WDR76: variants seen among roughly 807,000 people sequenced by gnomAD.
The protein encoded by WDR76 is WD repeat-containing protein 76.
Under a neutral mutation model 70.2 loss-of-function variants are expected in WDR76, and 52 were observed. The observed-to-expected ratio is 0.74, with a 90% CI of 0.59 to 0.93. The LOEUF (loss-of-function observed/expected upper bound fraction) is 0.93. Ranked by LOEUF, WDR76 falls within the 40% of genes least tolerant of loss-of-function variation. The pLI is 0.00. For missense variants in WDR76, 756 were observed against 760.2 expected (o/e 0.99, Z 0.07); for synonymous variants, 292 against 271.1 (o/e 1.08, Z -0.76).
At position 43,868,346 on chromosome 15, in the gene WDR76, C is replaced by A. The variant is rs1414318392; in HGVS notation, c.*1954C>A. On this transcript the variant is annotated 3_prime_UTR_variant, in exon 13 of 13. Coordinates refer to ENST00000263795, the MANE Select transcript of WDR76 (RefSeq NM_024908.4). ...AAACTACTCTCAATCAAATTAGTAC[C>A]ATCATTTAAGCTTTGAATACTTGGC... 1.3e-5 allele frequency: 2 copies of A among 152,128 alleles called. No individual in the cohort carries two copies. Among genetic ancestry groups the A allele is most frequent in the Non-Finnish European group, 2.9e-5 (2 of 68,016 alleles). The allele number at this position is 152,128 out of a possible 1,614,324, so 9.4% of individuals were successfully genotyped here.
intron 3 of WDR76, 26 bp downstream of exon 3, chr15:43,835,176 A>G: frequency 6.2e-7 from 1 of 1,607,062 alleles, no homozygotes; most frequent in African/African-American, 1.3e-5. Flanking sequence ...ATTTAAAAGC[A>G]AGATGCAGGG....
chr15:43,843,443 C>T (rs778031929), intron 7 of WDR76, among the ~76,000 whole-genome samples: 5 of 151,910 alleles, frequency 3.3e-5, no homozygotes, highest in African/African-American at 4.8e-5. Context: ...TTGGTATTTG[C>T]GGTTGTTTTC....
chr15:43,855,455 T>C (rs1324610299), intron 9 of WDR76, among the ~76,000 whole-genome samples: 2 of 152,204 alleles, frequency 1.3e-5, no homozygotes, highest in Non-Finnish European at 2.9e-5. Flanking sequence ...TTTTCATTTG[T>C]ATATATTGGT....
intron 4 of WDR76, among the ~76,000 whole-genome samples, chr15:43,837,023 AGAGT>A (rs2087664655): frequency 6.6e-6 from 1 of 151,030 alleles, no homozygotes; most frequent in South Asian, 2.1e-4. Context: ...CTGGGCAATA[AGAGT>A]GAGACTCCAT....
At chr15:43,834,294 AT>A (rs915828908) in intron 2 of WDR76, among the ~76,000 whole-genome samples, 5 of 151,264 alleles carry the variant, frequency 3.3e-5, no homozygotes, top group East Asian at 1.9e-4. Flanking sequence ...TTGGAAAAAA[AT>A]AACTTTTTTT....
In WDR76 at chr15:43,867,983, T is replaced by C. The variant is rs1020823743; in HGVS notation, c.*1591T>C. ...CCCATAATTGTATATCAGAGAAATA[T>C]AGTGATATACAATTTCCTTGAAAAC... On this transcript the variant is annotated 3_prime_UTR_variant, in exon 13 of 13. Transcript: ENST00000263795. 9.9e-5 allele frequency: 15 copies of C among 152,186 alleles called. No individual in the cohort carries two copies. The highest frequency in any genetic ancestry group is 2.9e-4 in the African/African-American group (12 of 41,456). The allele number at this position is 152,186 out of a possible 1,614,324, so 9.4% of individuals were successfully genotyped here. A position where few individuals can be genotyped will look rare whatever the true frequency, so the allele number is the denominator to read the frequency against.
chr15:43,843,681 A>G (rs2087753099), intron 7 of WDR76, among the ~76,000 whole-genome samples: 1 of 152,114 alleles, frequency 6.6e-6, no homozygotes, highest in Admixed American at 6.6e-5. Context: ...GAGTATGTGT[A>G]TTTAACTGCA....
chr15:43,827,621 T>C (rs2087533149), intron 1 of WDR76, among the ~76,000 whole-genome samples: 1 of 152,014 alleles, frequency 6.6e-6, no homozygotes, highest in Non-Finnish European at 1.5e-5. Flanking sequence ...CTCGGCTCAC[T>C]GCAACCTCCG....
chr15:43,856,798 T>G, intron 9 of WDR76, 148 bp from the exon 10 acceptor site: 1 of 659,270 alleles, frequency 1.5e-6, no homozygotes, highest in Non-Finnish European at 2.6e-6. Flanking sequence ...GTGTTTCCAT[T>G]ATGTCCTGTG....
chr15:43,856,337 A>T (rs1024747079), intron 9 of WDR76, among the ~76,000 whole-genome samples: 2 of 152,180 alleles, frequency 1.3e-5, no homozygotes, highest in Non-Finnish European at 2.9e-5. Context: ...AAAAATGTAT[A>T]TATTTACTCT....
chr15:43,835,660 CTTTT>C (rs67060323), intron 3 of WDR76, among the ~76,000 whole-genome samples: 1 of 140,752 alleles, frequency 7.1e-6, no homozygotes, highest in Admixed American at 7.2e-5. Context: ...TTTTTTTTGT[CTTTT>C]TTTTTTTTTT....
Position 43,828,288 on chromosome 15 carries a change from G to A in WDR76, c.384G>A (p.Thr128=), listed in dbSNP as rs1258232451. The A allele has an allele frequency of 3.7e-6, 6 of 1,614,140 alleles. No individual in the cohort carries two copies. In the African/African-American group the frequency reaches 5.3e-5, roughly 14 times the overall value. The change falls in exon 2 of 13, where the codon ACG becomes ACA. Residue 128 remains threonine, a synonymous_variant. Transcript: ENST00000263795. ...TESNKLQPKR[T]ADAMNLSVDV... Reference sequence around the variant, plus strand: ...GTAACAAGCTACAACCCAAGAGAACGGCAGATGCGATGAATCTCAGTGTTG... The same window carrying A: ...GTAACAAGCTACAACCCAAGAGAACAGCAGATGCGATGAATCTCAGTGTTG...
chr15:43,845,479 C>T (rs1281446015), intron 8 of WDR76, among the ~76,000 whole-genome samples: 2 of 150,096 alleles, frequency 1.3e-5, no homozygotes, highest in African/African-American at 4.8e-5. Flanking sequence ...CAACTATGAA[C>T]CAGAAAGTAG....
Position 43,866,241 on chromosome 15 carries a change from T to TC in WDR76, c.1732dup (p.His578ProfsTer2), listed in dbSNP as rs760139968. The stretch of plus-strand genomic sequence containing the variant: ...GCCCATCCACGACGGGTAGAAATCT[T>TC]CCATGAGACAGGAAAGAGGGTGCAT... On this transcript the variant is annotated frameshift_variant, in exon 13 of 13. Coordinates refer to ENST00000263795, the MANE Select transcript of WDR76 (RefSeq NM_024908.4). LOFTEE classifies it high-confidence loss of function. 5.6e-6 allele frequency: 9 copies of TC among 1,614,170 alleles called. No individual in the cohort carries two copies. In the Admixed American group the frequency reaches 1.5e-4, roughly 27 times the overall value.
rs1451367088 is a variant in WDR76, at chr15:43,848,731, G to A, written c.1033-2356G>A. On this transcript the variant is annotated intron_variant, in intron 8 of 12. Coordinates refer to ENST00000263795, the MANE Select transcript of WDR76 (RefSeq NM_024908.4). Reference sequence around the variant, plus strand: ...TGAGGCAGGTGAATCACCTGAGGTCGAGTTCAAGATCAGCCTGACTAACAT... The same window carrying A: ...TGAGGCAGGTGAATCACCTGAGGTCAAGTTCAAGATCAGCCTGACTAACAT... 2.6e-5 allele frequency among the ~76,000 whole-genome samples: 4 copies of A among 151,978 alleles called. No homozygotes were observed. In the East Asian group the frequency reaches 5.8e-4, roughly 22 times the overall value.
rs999509142 is a variant in WDR76 at position 43,857,066 on chromosome 15, ACTT to A, written c.1316_1318del (p.Ser439del). ...ACTGGTGGATAGACGGACACCTGGA[ACTT>A]CTTATGAGAAACTTACCAGTTCTTC... is the stretch of plus-strand genomic sequence containing the variant. On this transcript the variant is annotated inframe_deletion, in exon 10 of 13. Coordinates refer to ENST00000263795, the MANE Select transcript of WDR76 (RefSeq NM_024908.4). 1.9e-6 allele frequency: 3 copies of A among 1,613,982 alleles called. No individual in the cohort carries two copies. The African/African-American group carries it at 4.0e-5, about 22-fold the overall frequency.
At position 43,856,817 on chromosome 15, in the gene WDR76, G is replaced by C. The variant is rs1567191600; in HGVS notation, c.1192-129G>C. On this transcript the variant is annotated intron_variant, in intron 9 of 12. Coordinates refer to ENST00000263795, the MANE Select transcript of WDR76 (RefSeq NM_024908.4). ...TTCCATTATGTCCTGTGCATCTGAT[G>C]GGGATGATGAGAGGATAAATGAGGT... 3.1e-5 allele frequency: 23 copies of C among 735,858 alleles called. No individual in the cohort carries two copies. The South Asian group carries it at 4.2e-4, about 14-fold the overall frequency. The allele number at this position is 735,858 out of a possible 1,614,324, so 45.6% of individuals were successfully genotyped here.
chr15:43,832,434 TTTTTTTTTG>T (rs1029967607), intron 2 of WDR76, among the ~76,000 whole-genome samples: 13 of 7,294 alleles, frequency 1.8e-3, no homozygotes, highest in Non-Finnish European at 4.7e-3. Flanking sequence ...TCATCTTTGT[TTTTTTTTTG>T]TTTTTTTGTT....
At chr15:43,832,562 C>G (rs1396723114) in intron 2 of WDR76, among the ~76,000 whole-genome samples, 1 of 151,856 alleles carries the variant, frequency 6.6e-6, no homozygotes, top group Non-Finnish European at 1.5e-5. Context: ...TCTCCTGTCT[C>G]AGCTTCCTGA....
Sources: gnomAD v4.1 joint callset for allele counts (sites outside exome capture counted in the v4.1 genomes callset) on GRCh38, gnomAD v4.1.1 for gene constraint, MANE v1.5 for transcripts, NCBI Gene and HGNC (gene_info 2026-07-23, HGNC 2026-07-21) for gene names.